Variants in CSTL1 observed in about 807,000 individuals in gnomAD.
CSTL1 encodes cystatin-like 1.
Under a neutral mutation model 14.4 loss-of-function variants are expected in CSTL1, and 14 were observed. The observed-to-expected ratio is 0.97, with a 90% confidence interval of 0.64 to 1.52. CSTL1 has a LOEUF of 1.52. CSTL1 is among the 40% of genes most tolerant of loss of function. The pLI is 0.00. For missense variants in CSTL1, 170 were observed against 168.7 expected, an observed-to-expected ratio of 1.01 and a Z score of -0.04; for synonymous variants, 72 against 67.5, an observed-to-expected ratio of 1.07 and a Z score of -0.33.
chr20:23,446,933 G>A (rs1192573611), downstream of CSTL1, among the ~76,000 whole-genome samples: 1 of 152,108 alleles, frequency 6.6e-6, no homozygotes, highest in East Asian at 1.9e-4. Context: ...AGTTAAAGGA[G>A]GTGGAATTCC....
chr20:23,454,120 G>A, the CSTL1 span, among the ~76,000 whole-genome samples: 3 of 137,992 alleles, frequency 2.2e-5, no homozygotes, highest in African/African-American at 5.5e-5. Flanking sequence ...AGAGACACAC[G>A]CACCTACATG....
At chr20:23,451,877 CA>C in the CSTL1 span, 1 of 1,614,038 alleles carries the variant, frequency 6.2e-7, no homozygotes, top group Non-Finnish European at 8.5e-7. Flanking sequence ...GCAGGTGGTC[CA>C]CTGCATTTCC....
chr20:23,444,230 C>A (rs201044143), intron 3 of CSTL1, among the ~76,000 whole-genome samples, 186 bp downstream of exon 3: 2 of 152,240 alleles, frequency 1.3e-5, no homozygotes, highest in East Asian at 3.9e-4. Context: ...TGGTACAGCC[C>A]TGCACCCAGG....
At chr20:23,455,831 C>T in the CSTL1 span, among the ~76,000 whole-genome samples, 1 of 152,254 alleles carries the variant, frequency 6.6e-6, no homozygotes, top group Non-Finnish European at 1.5e-5. Context: ...GGGTTCTCTT[C>T]CTGTCGCCCA....
chr20:23,444,110 G>A (rs1986910090), intron 3 of CSTL1, 66 bp downstream of exon 3: 3 of 1,480,490 alleles, frequency 2.0e-6, no homozygotes, highest in East Asian at 4.6e-5. Context: ...ACAGCTAGAA[G>A]TTGGCAGTTT....
the CSTL1 span, chr20:23,452,547 A>C: frequency 1.5e-4 from 184 of 1,260,670 alleles, no homozygotes; most frequent in Non-Finnish European, 2.0e-4. Flanking sequence ...ATGTGGGCGT[A>C]TCAGGCCTGG....
At chr20:23,454,233 C>T in the CSTL1 span, among the ~76,000 whole-genome samples, 1 of 151,642 alleles carries the variant, frequency 6.6e-6, no homozygotes, top group African/African-American at 2.4e-5. Flanking sequence ...CACACCTACA[C>T]GTACATGCCC....
chr20:23,448,466 A>C (rs1214210657), downstream of CSTL1, among the ~76,000 whole-genome samples: 1 of 152,196 alleles, frequency 6.6e-6, no homozygotes, highest in Non-Finnish European at 1.5e-5. Context: ...ACTAAATGGC[A>C]CACACACAGT....
At position 23,440,304 on chromosome 20, in the gene CSTL1, C is replaced by G; in HGVS notation, c.37C>G (p.Leu13Val). ...IGCWRNPLLL[L>V]IALVLSAKLG... ...ATGCTGGAGAAACCCCCTGCTGCTGCTGATTGCCCTGGTCCTGTCAGCCAA... is the reference window on the plus strand; with the variant it reads ...ATGCTGGAGAAACCCCCTGCTGCTGGTGATTGCCCTGGTCCTGTCAGCCAA... Residue 13 changes from leucine (L) to valine (V), a missense_variant, in exon 2 of 4, where the codon CTG becomes GTG. Physicochemically the swap from Leu to Val is conservative, Grantham distance 32. Transcript: ENST00000347397. The G allele has an allele frequency of 1.9e-6, 3 of 1,614,226 alleles. No individual in the cohort carries two copies. Among genetic ancestry groups the G allele is most frequent in the Non-Finnish European group, 1.7e-6 (2 of 1,180,050 alleles).
intron 1 of CSTL1, 87 bp downstream of exon 1, chr20:23,439,893 C>A (rs1160981214): frequency 3.9e-6 from 1 of 257,986 alleles, no homozygotes. Flanking sequence ...GGCCGCCTCC[C>A]TTCCTGTAAG....
downstream of CSTL1, among the ~76,000 whole-genome samples, chr20:23,446,810 G>A (rs1027315295): frequency 3.3e-5 from 5 of 152,180 alleles, no homozygotes; most frequent in African/African-American, 1.2e-4. Flanking sequence ...AGCGCCACCA[G>A]CTGGTCATAA....
chr20:23,452,811 T>A, the CSTL1 span: 1 of 1,611,430 alleles, frequency 6.2e-7, no homozygotes, highest in East Asian at 2.2e-5. Flanking sequence ...TCAGCCATCA[T>A]CCTTCAGCTG....
chr20:23,458,526 C>T, the CSTL1 span: 3 of 152,190 alleles, frequency 2.0e-5, no homozygotes, highest in African/African-American at 7.2e-5. Flanking sequence ...GTTGTTTCCT[C>T]AGCTTTCATG....
chr20:23,452,606 C>G, the CSTL1 span: 1 of 1,613,048 alleles, frequency 6.2e-7, no homozygotes, highest in Admixed American at 1.7e-5. Context: ...TTTAAGGACT[C>G]GGAAGATCCT....
At chr20:23,453,894 A>ATACACACATGCATAGCCAGCAT in the CSTL1 span, among the ~76,000 whole-genome samples, 1 of 152,010 alleles carries the variant, frequency 6.6e-6, no homozygotes. Flanking sequence ...ACGGACACAC[A>ATACACACATGCATAGCCAGCAT]ACACATACAC....
At chr20:23,446,747 G>A (rs149053713), downstream of CSTL1, among the ~76,000 whole-genome samples, 120 of 152,306 alleles carry the variant, frequency 7.9e-4, 1 homozygote, top group African/African-American at 2.7e-3. Context: ...ACAGACAATG[G>A]CTGACAGTGT....
chr20:23,440,677 CA>C (rs1986808907), intron 2 of CSTL1, 191 bp downstream of exon 2: 1 of 683,458 alleles, frequency 1.5e-6, no homozygotes, highest in African/African-American at 1.8e-5. Context: ...GCCATGCTTC[CA>C]AAATGCTTTC....
chr20:23,444,094 A>G (rs1251009290), intron 3 of CSTL1, 50 bp downstream of exon 3: 1 of 1,530,940 alleles, frequency 6.5e-7, no homozygotes, highest in Admixed American at 1.7e-5. Context: ...AATATTTTAA[A>G]AAGCAACAGC....
chr20:23,450,340 G>C, the CSTL1 span: 3 of 506,240 alleles, frequency 5.9e-6, no homozygotes. Context: ...CAGACTTTCA[G>C]ATTATTACTA....
Sources: gnomAD v4.1 joint callset for allele counts (sites outside exome capture counted in the v4.1 genomes callset) on GRCh38, gnomAD v4.1.1 for gene constraint, MANE v1.5 for transcripts, NCBI Gene and HGNC (gene_info 2026-07-23, HGNC 2026-07-21) for gene names.